Variants in COL8A1 observed in about 807,000 individuals in gnomAD.
COL8A1 encodes the protein collagen alpha-1(VIII) chain.
In COL8A1, 21 loss-of-function variants were observed where a neutral mutation model predicts 42.7. That is an observed-to-expected ratio of 0.49 (90% confidence interval 0.35 to 0.71). The LOEUF (loss-of-function observed/expected upper bound fraction) is 0.71. Among genes scored for constraint, COL8A1 ranks in the 30% least tolerant of loss-of-function variants. COL8A1 has a pLI of 0.01. For missense variants in COL8A1, 788 were observed against 962.4 expected, an observed-to-expected ratio of 0.82 and a Z score of 2.40; for synonymous variants, 367 against 369.1, an observed-to-expected ratio of 0.99 and a Z score of 0.06.
chr3:99,756,263 A>AT (rs1379473706), intron 2 of COL8A1, among the ~76,000 whole-genome samples: 1 of 152,012 alleles, frequency 6.6e-6, no homozygotes, highest in Non-Finnish European at 1.5e-5. Flanking sequence ...TTGAGAATTC[A>AT]TTTTTGAAAG....
At chr3:99,793,403 T>C (rs1942039238) in intron 3 of COL8A1, among the ~76,000 whole-genome samples, 1 of 152,008 alleles carries the variant, frequency 6.6e-6, no homozygotes, top group Non-Finnish European at 1.5e-5. Flanking sequence ...AATACAACTA[T>C]AATTTGGATA....
At chr3:99,707,514 G>A (rs1939714242) in intron 1 of COL8A1, among the ~76,000 whole-genome samples, 1 of 152,172 alleles carries the variant, frequency 6.6e-6, no homozygotes, top group Admixed American at 6.5e-5. Flanking sequence ...GAGTGCAGGT[G>A]TTCAACTCTC....
At chr3:99,680,914 G>A (rs965564634) in intron 1 of COL8A1, among the ~76,000 whole-genome samples, 1 of 152,032 alleles carries the variant, frequency 6.6e-6, no homozygotes, top group South Asian at 2.1e-4. Flanking sequence ...AATAAATGAT[G>A]CTAGAAAAAC....
chr3:99,697,080 G>A (rs1003696152), intron 1 of COL8A1, among the ~76,000 whole-genome samples: 4 of 141,410 alleles, frequency 2.8e-5, no homozygotes, highest in Admixed American at 7.4e-5. Flanking sequence ...TCCGCCTCCC[G>A]GGTTCACGCC....
At position 99,730,944 on chromosome 3, in the gene COL8A1, T is replaced by A. The variant is rs538270875; in HGVS notation, c.-128-13953T>A. 5.3e-5 allele frequency among the ~76,000 whole-genome samples: 8 copies of A among 152,262 alleles called. No homozygotes were observed. In the South Asian group the frequency reaches 1.7e-3, roughly 32 times the overall value. ...AATTTCTGTTCTTTTTTAAAAATCA[T>A]GTCATGACGTTTCTTTTGTAGTGCT... is the stretch of plus-strand genomic sequence containing the variant. On this transcript the variant is annotated intron_variant, in intron 1 of 3. Coordinates refer to ENST00000652472, the MANE Select transcript of COL8A1 (RefSeq NM_020351.4).
intron 2 of COL8A1, among the ~76,000 whole-genome samples, chr3:99,766,791 A>C (rs944180018): frequency 6.6e-6 from 1 of 152,160 alleles, no homozygotes; most frequent in Non-Finnish European, 1.5e-5. Flanking sequence ...CTCTACTAAA[A>C]ATACAAAATT....
At chr3:99,721,569 C>T (rs929768538) in intron 1 of COL8A1, among the ~76,000 whole-genome samples, 1 of 151,832 alleles carries the variant, frequency 6.6e-6, no homozygotes, top group African/African-American at 2.4e-5. Context: ...GCTGGAAACC[C>T]GGACAGATTT....
intron 2 of COL8A1, among the ~76,000 whole-genome samples, chr3:99,766,457 C>T (rs1425379953): frequency 1.2e-4 from 18 of 152,232 alleles, no homozygotes. Flanking sequence ...ATTATCACTA[C>T]AATTATCTGG....
rs759314386 is a variant in COL8A1 at position 99,795,027 on chromosome 3, G to A, written c.1126G>A (p.Glu376Lys). 1 of 1,609,056 alleles carries A rather than the reference G, an allele frequency of 6.2e-7. No homozygotes were observed. Among genetic ancestry groups the A allele is most frequent in the Non-Finnish European group, 8.5e-7 (1 of 1,177,596 alleles). The change falls in exon 4 of 4, where the codon GAG becomes AAG. Residue 376 changes from glutamate to lysine, a missense_variant. Glu to Lys is a moderately conservative substitution (Grantham distance 56, BLOSUM62 1). Around this residue, in one of 4 missense-constraint regions of COL8A1, gnomAD observed 421 missense variants for 553.1 expected, o/e 0.76. Transcript: ENST00000652472. ...GVPGALGPRG[E>K]KGPIGAPGIG... ...TCCTGGGGCTCTTGGACCAAGAGGG[G>A]AGAAAGGACCAATAGGTGCCCCAGG...
chr3:99,753,797 A>G (rs1941200733), intron 2 of COL8A1, among the ~76,000 whole-genome samples: 1 of 152,196 alleles, frequency 6.6e-6, no homozygotes, highest in East Asian at 1.9e-4. Flanking sequence ...TCTATGCTTT[A>G]TATATGTTCA....
chr3:99,679,568 AAG>A (rs1338931376), intron 1 of COL8A1: 2 of 152,180 alleles, frequency 1.3e-5, no homozygotes, highest in Non-Finnish European at 2.9e-5. Context: ...ATATCAAATA[AAG>A]AGTCTTGCAA....
chr3:99,788,750 T>C (rs1027080035), intron 2 of COL8A1, among the ~76,000 whole-genome samples: 1 of 152,052 alleles, frequency 6.6e-6, no homozygotes, highest in East Asian at 1.9e-4. Context: ...AAGCAAAAAA[T>C]AGAAGTGTGT....
At chr3:99,650,985 C>T (rs1040446160) in intron 1 of COL8A1, among the ~76,000 whole-genome samples, 1 of 152,198 alleles carries the variant, frequency 6.6e-6, no homozygotes, top group Non-Finnish European at 1.5e-5. Context: ...TGCCTGACTA[C>T]AGGGTCTTTT....
intron 1 of COL8A1, among the ~76,000 whole-genome samples, chr3:99,731,351 T>C (rs1229977110): frequency 2.6e-5 from 4 of 152,136 alleles, no homozygotes; most frequent in African/African-American, 9.7e-5. Context: ...AAGAGCATTA[T>C]AGACAGAGGA....
chr3:99,785,274 C>G (rs1005348295), intron 2 of COL8A1, among the ~76,000 whole-genome samples: 3 of 152,084 alleles, frequency 2.0e-5, no homozygotes, highest in Non-Finnish European at 4.4e-5. Context: ...GGGAGTGAAG[C>G]TGAATTAGGT....
chr3:99,770,130 A>T (rs1274388456), intron 2 of COL8A1, among the ~76,000 whole-genome samples: 1 of 152,078 alleles, frequency 6.6e-6, no homozygotes, highest in African/African-American at 2.4e-5. Context: ...GTGTTAATTA[A>T]CTGGGGGTAA....
chr3:99,733,876 G>A (rs1240368783), intron 1 of COL8A1, among the ~76,000 whole-genome samples: 3 of 152,044 alleles, frequency 2.0e-5, no homozygotes, highest in African/African-American at 7.2e-5. Flanking sequence ...ATGTGGTTTT[G>A]ATTTGCATTT....
chr3:99,774,357 A>G (rs1031961379), intron 2 of COL8A1, among the ~76,000 whole-genome samples: 3 of 151,902 alleles, frequency 2.0e-5, no homozygotes, highest in African/African-American at 7.3e-5. Context: ...CATTTTTTTC[A>G]GTGTGCACCT....
At chr3:99,763,111 C>T (rs1479824320) in intron 2 of COL8A1, among the ~76,000 whole-genome samples, 1 of 152,198 alleles carries the variant, frequency 6.6e-6, no homozygotes, top group Non-Finnish European at 1.5e-5. Flanking sequence ...GTAACTTGCT[C>T]TTTGAATTGC....
Sources: gnomAD v4.1 joint callset for allele counts (sites outside exome capture counted in the v4.1 genomes callset) on GRCh38, gnomAD v4.1.1 for gene constraint, gnomAD v4.1.1 regional missense constraint, MANE v1.5 for transcripts, NCBI Gene and HGNC (gene_info 2026-07-23, HGNC 2026-07-21) for gene names.